SLC22A25: variants seen among roughly 807,000 people sequenced by gnomAD.
The protein encoded by SLC22A25 is solute carrier family 22 member 25.
Under a neutral mutation model 45.9 loss-of-function variants are expected in SLC22A25, and 44 were observed. The ratio of observed to expected loss-of-function variants is 0.96; its 90% confidence interval spans 0.75 to 1.23. The LOEUF (loss-of-function observed/expected upper bound fraction) is 1.23, where lower values mean the gene tolerates loss of function less well. Ranked by LOEUF, SLC22A25 falls within the 50% of genes most tolerant of loss-of-function variation. The probability of loss-of-function intolerance (pLI) is 0.00; values close to 1 mark genes in which losing one functional copy is unlikely to be tolerated. For missense variants in SLC22A25, 800 were observed against 666.4 expected (o/e 1.20, Z -2.21); for synonymous variants, 283 against 238.6 (o/e 1.19, Z -1.72).
chr11:63,169,115 A>T (rs1254413110), intron 9 of SLC22A25, among the ~76,000 whole-genome samples: 2 of 152,176 alleles, frequency 1.3e-5, no homozygotes, highest in Non-Finnish European at 2.9e-5. Context: ...AGACAAGTAA[A>T]TGCTGAGGGA....
chr11:63,192,568 A>C (rs1360994833), intron 7 of SLC22A25, among the ~76,000 whole-genome samples: 1 of 152,188 alleles, frequency 6.6e-6, no homozygotes, highest in African/African-American at 2.4e-5. Flanking sequence ...AACAAGACCC[A>C]TTGGTGTGCT....
chr11:63,224,354 A>G (rs183206691), intron 5 of SLC22A25, among the ~76,000 whole-genome samples: 311 of 152,210 alleles, frequency 2.0e-3, no homozygotes, highest in Non-Finnish European at 3.7e-3. Flanking sequence ...TGTAGGCAAC[A>G]GATCATTGTT....
intron 1 of SLC22A25, among the ~76,000 whole-genome samples, chr11:63,240,498 C>A (rs1364707547): frequency 6.6e-6 from 1 of 152,076 alleles, no homozygotes; most frequent in African/African-American, 2.4e-5. Context: ...ATAAATTAAC[C>A]TAGGCTTACT....
intron 5 of SLC22A25, among the ~76,000 whole-genome samples, chr11:63,218,817 G>A (rs1021899734): frequency 1.3e-5 from 2 of 152,176 alleles, no homozygotes; most frequent in African/African-American, 4.8e-5. Context: ...GGACAATGTG[G>A]CATGTGGTGA....
intron 7 of SLC22A25, among the ~76,000 whole-genome samples, chr11:63,209,201 T>G (rs1216590956): frequency 6.6e-6 from 1 of 152,028 alleles, no homozygotes; most frequent in African/African-American, 2.4e-5. Context: ...GACTCTTGGC[T>G]CAGTGTGGCA....
intron 7 of SLC22A25, among the ~76,000 whole-genome samples, chr11:63,212,544 A>G (rs2089599181): frequency 6.6e-6 from 1 of 152,018 alleles, no homozygotes; most frequent in Non-Finnish European, 1.5e-5. Flanking sequence ...GGAAACCATC[A>G]TTCTCAGCAA....
intron 7 of SLC22A25, among the ~76,000 whole-genome samples, chr11:63,212,803 T>TA (rs1310061888): frequency 2.9e-4 from 37 of 126,466 alleles, no homozygotes; most frequent in East Asian, 1.1e-3. Context: ...AAAGTATAAT[T>TA]TAAAAAAAAA....
At chr11:63,174,745 G>C (rs2088024537) in intron 9 of SLC22A25, among the ~76,000 whole-genome samples, 1 of 152,060 alleles carries the variant, frequency 6.6e-6, no homozygotes, top group Non-Finnish European at 1.5e-5. Flanking sequence ...ATGTTGCACA[G>C]CATCTTGCGT....
At chr11:63,188,562 C>T (rs369533248) in intron 7 of SLC22A25, among the ~76,000 whole-genome samples, 2 of 152,224 alleles carry the variant, frequency 1.3e-5, no homozygotes, top group South Asian at 4.2e-4. Flanking sequence ...CTGCTCTGAT[C>T]TTAGTTATTT....
intron 7 of SLC22A25, among the ~76,000 whole-genome samples, chr11:63,205,144 T>C (rs886923238): frequency 2.0e-5 from 3 of 152,212 alleles, no homozygotes. Flanking sequence ...CCAGAGTCTC[T>C]GGGACACATT....
intron 5 of SLC22A25, among the ~76,000 whole-genome samples, chr11:63,227,585 G>A (rs2089987313): frequency 6.6e-6 from 1 of 152,180 alleles, no homozygotes; most frequent in South Asian, 2.1e-4. Flanking sequence ...AGTCTATTTT[G>A]GAGGTGCAAG....
chr11:63,237,258 TG>T (rs2090180729), intron 3 of SLC22A25, among the ~76,000 whole-genome samples: 1 of 152,210 alleles, frequency 6.6e-6, no homozygotes, highest in Non-Finnish European at 1.5e-5. Context: ...GCTCACTGCC[TG>T]GGTATAATAT....
chr11:63,234,456 C>T (rs577159678), intron 3 of SLC22A25, among the ~76,000 whole-genome samples: 5 of 152,272 alleles, frequency 3.3e-5, no homozygotes, highest in South Asian at 2.1e-4. Flanking sequence ...ACTAGGATTG[C>T]AACCCCTGCC....
At chr11:63,165,131 G>A (rs2087635840) in intron 10 of SLC22A25, among the ~76,000 whole-genome samples, 1 of 152,190 alleles carries the variant, frequency 6.6e-6, no homozygotes, top group Non-Finnish European at 1.5e-5. Flanking sequence ...GGACAGATTG[G>A]ACAGTATTAA....
intron 7 of SLC22A25, among the ~76,000 whole-genome samples, chr11:63,206,106 C>T (rs10897392): frequency 0.36 from 55,352 of 152,010 alleles, 10,395 homozygotes; most frequent in East Asian, 0.56. Flanking sequence ...TAAAAACTCT[C>T]AATAAACTAG....
intron 7 of SLC22A25, among the ~76,000 whole-genome samples, chr11:63,204,730 C>T (rs1355645181): frequency 6.6e-6 from 1 of 152,176 alleles, no homozygotes; most frequent in Non-Finnish European, 1.5e-5. Flanking sequence ...TAACACCCCA[C>T]TGTCAATATT....
chr11:63,166,091 A>G lies in SLC22A25; in HGVS notation c.1238T>C (p.Met413Thr), dbSNP rs2087671157. 1 of 1,613,896 alleles carries G rather than the reference A, an allele frequency of 6.2e-7. No homozygotes were observed. Reference sequence around the variant, plus strand: ...CAGAAGGCAGGTTGCCAGTAGGAACATGAGAAGCATCTGGCTTAGTCGACG... The same window carrying G: ...CAGAAGGCAGGTTGCCAGTAGGAACGTGAGAAGCATCTGGCTTAGTCGACG... ...MSRRLSQMLL[M>T]FLLATCLLAI... Residue 413 changes from methionine (M) to threonine (T), a missense_variant, in exon 10 of 12, where the codon ATG becomes ACG. Met to Thr is a moderately conservative substitution (Grantham distance 81). Transcript: ENST00000306494.
chr11:63,179,646 C>T (rs776708429), intron 9 of SLC22A25, among the ~76,000 whole-genome samples: 6 of 152,108 alleles, frequency 3.9e-5, no homozygotes, highest in Non-Finnish European at 7.4e-5. Context: ...ATCTAGAGTG[C>T]GTGTGGGGTC....
At chr11:63,232,169 G>A (rs1336805626) in intron 3 of SLC22A25, among the ~76,000 whole-genome samples, 2 of 152,160 alleles carry the variant, frequency 1.3e-5, no homozygotes, top group Non-Finnish European at 2.9e-5. Flanking sequence ...ATTGTGTGAA[G>A]AAAGTCATTG....
Sources: allele counts gnomAD v4.1 joint callset (sites outside exome capture counted in the v4.1 genomes callset), GRCh38; gene constraint gnomAD v4.1.1; transcripts MANE v1.5; gene names NCBI Gene and HGNC (gene_info 2026-07-23, HGNC 2026-07-21).